The following P4HTM variants were observed in gnomAD, a reference collection of about 807,000 sequenced individuals.
The protein encoded by P4HTM is transmembrane prolyl 4-hydroxylase.
A neutral mutation model predicts 55.3 loss-of-function variants in P4HTM; 33 were observed. That is an observed-to-expected ratio of 0.60 (90% confidence interval 0.45 to 0.80). The LOEUF (loss-of-function observed/expected upper bound fraction) is 0.80. Among genes scored for constraint, P4HTM ranks in the 30% least tolerant of loss-of-function variants. The probability of loss-of-function intolerance (pLI) is 0.00; values close to 1 mark genes in which losing one functional copy is unlikely to be tolerated. For missense variants in P4HTM, 542 were observed against 696.5 expected, an observed-to-expected ratio of 0.78 and a Z score of 2.50; for synonymous variants, 272 against 286.4, an observed-to-expected ratio of 0.95 and a Z score of 0.51.
Position 48,990,964 on chromosome 3 carries a change from G to A in P4HTM, c.436+50G>A. ...AAGGGCCAGGGGCTGCGGTTTGGTG[G>A]CCACCTTGAGGCTCGTTGTGACCAC... On this transcript the variant is annotated intron_variant, in intron 2 of 8. Transcript: ENST00000383729. The surrounding 1 kb of genome is among the most constrained non-coding windows in gnomAD (Gnocchi z 7.2). 1 of 1,428,006 alleles carries A rather than the reference G, an allele frequency of 7.0e-7. No individual in the cohort carries two copies. The highest frequency in any genetic ancestry group is 9.8e-7 in the Non-Finnish European group (1 of 1,016,268). 88.5% of individuals were successfully genotyped at this position (1,428,006 alleles called of 1,614,324 possible). A position where few individuals can be genotyped will look rare whatever the true frequency, so the allele number is the denominator to read the frequency against.
At chr3:49,005,198 A>T (rs1467875117) in intron 6 of P4HTM, 152 bp downstream of exon 6, 2 of 1,575,926 alleles carry the variant, frequency 1.3e-6, no homozygotes, top group African/African-American at 2.7e-5. Flanking sequence ...CTCTCCCCAC[A>T]AGTTGTTTAC....
At chr3:48,992,662 CT>C (rs755087586) in intron 2 of P4HTM, among the ~76,000 whole-genome samples, 70,598 of 89,324 alleles carry the variant, frequency 0.79, 28,182 homozygotes, top group East Asian at 0.98. Context: ...GATTAGAACT[CT>C]TTTTTTTTTT....
chr3:49,006,766 CTG>C lies in P4HTM; in HGVS notation c.1369_1370del (p.Trp457AspfsTer2). ...TRGTKWIANNWINVDPSRARQ... is the reference protein window; with the variant it reads ...TRGTKWIANNXINVDPSRARQ... ...GCGGCACCAAGTGGATTGCCAACAA[CTG>C]GATTAATGTGGACCCCAGCCGAGCG... On this transcript the variant is annotated frameshift_variant, in exon 9 of 9. Transcript: ENST00000383729. LOFTEE classifies it high-confidence loss of function. 1 of 1,613,736 alleles carries C rather than the reference CTG, an allele frequency of 6.2e-7. No individual in the cohort carries two copies. Among genetic ancestry groups the C allele is most frequent in the Non-Finnish European group, 8.5e-7 (1 of 1,180,042 alleles).
intron 5 of P4HTM, 89 bp from the exon 6 acceptor site, chr3:49,004,772 T>C: frequency 7.2e-7 from 1 of 1,392,078 alleles, no homozygotes; most frequent in African/African-American, 1.4e-5. Flanking sequence ...GGGGCAAAGC[T>C]TGTGGCAGGC....
chr3:49,002,812 C>T lies in P4HTM; in HGVS notation c.724+216C>T, dbSNP rs1014369732. The stretch of plus-strand genomic sequence containing the variant: ...CCCCCGTTCCCCTTGGTGATGGTCT[C>T]GAGGGCAGTTCTTGGAGACCCTTTT... On this transcript the variant is annotated intron_variant, in intron 4 of 8. Coordinates refer to ENST00000383729, the MANE Select transcript of P4HTM (RefSeq NM_177939.3). The surrounding 1 kb of genome is among the most constrained non-coding windows in gnomAD (Gnocchi z 4.4). The T allele has an allele frequency of 6.2e-6, 4 of 650,338 alleles. No homozygotes were observed. The highest frequency in any genetic ancestry group is 2.2e-5 in the Admixed American group (1 of 46,138). 40.3% of individuals were successfully genotyped at this position (650,338 alleles called of 1,614,324 possible). A position where few individuals can be genotyped will look rare whatever the true frequency, so the allele number is the denominator to read the frequency against.
chr3:48,992,534 A>G (rs2092933624), intron 2 of P4HTM, among the ~76,000 whole-genome samples: 2 of 151,462 alleles, frequency 1.3e-5, no homozygotes, highest in African/African-American at 4.9e-5. Flanking sequence ...TGAACCCAGG[A>G]GGCAGAGGTT....
chr3:49,005,672 C>T, intron 6 of P4HTM, 105 bp from the exon 7 acceptor site: 1 of 1,496,538 alleles, frequency 6.7e-7, no homozygotes, highest in South Asian at 1.4e-5. Flanking sequence ...CCTAGTCTGT[C>T]CTGGTCCCTG....
Position 49,004,248 on chromosome 3 carries a change from C to T in P4HTM, c.875C>T (p.Ala292Val). 6.5e-7 allele frequency: 1 copy of T among 1,547,680 alleles called. No individual in the cohort carries two copies. Among genetic ancestry groups the T allele is most frequent in the Non-Finnish European group, 8.7e-7 (1 of 1,146,202 alleles). The change falls in exon 5 of 9, where the codon GCC becomes GTC. Residue 292 changes from alanine to valine, a missense_variant. By Grantham distance (64) the Ala-to-Val change is moderately conservative. Around this residue, in one of 2 missense-constraint regions of P4HTM, gnomAD observed 536 missense variants for 672.1 expected, o/e 0.80. Transcript: ENST00000383729. ...GAGGGTGCCCACCACATCATGCGTG[C>T]CATCCGCCAGAGGTGAGCACCTGAA... ...QGEGAHHIMR[A>V]IRQRVLRLTR...
In P4HTM at chr3:48,990,330, C is replaced by A. The variant is rs2092926693; in HGVS notation, c.74C>A (p.Ala25Glu). 1 of 1,454,586 alleles carries A rather than the reference C, an allele frequency of 6.9e-7. No homozygotes were observed. The highest frequency in any genetic ancestry group is 1.4e-5 in the South Asian group (1 of 73,578). The allele number at this position is 1,454,586 out of a possible 1,614,324, so 90.1% of individuals were successfully genotyped here. A position where few individuals can be genotyped will look rare whatever the true frequency, so the allele number is the denominator to read the frequency against. ...AAEEASRPQW[A>E]PPDHCQAQAA... ...GAGGAGGCCTCGAGGCCGCAGTGGG[C>A]GCCGCCAGACCACTGCCAGGCTCAG... The change falls in exon 1 of 9, where the codon GCG (alanine) becomes GAG (glutamate). Residue 25 changes from alanine (A) to glutamate (E), a missense_variant. By Grantham distance (107) the Ala-to-Glu change is moderately radical (BLOSUM62 -1). Coordinates refer to ENST00000383729, the MANE Select transcript of P4HTM (RefSeq NM_177939.3). This position sits in a 1 kb window ranked among gnomAD's most constrained non-coding sequence, Gnocchi z 7.2.
At chr3:48,990,161 G>A, upstream of P4HTM, 2 of 1,050,636 alleles carry the variant, frequency 1.9e-6, no homozygotes, top group Non-Finnish European at 2.3e-6. The surrounding 1 kb of genome is among the most constrained non-coding windows in gnomAD (Gnocchi z 7.2). Context: ...CCTAGTGACC[G>A]CGGCGCTCGC....
chr3:48,990,202 G>T (rs1420544935), upstream of P4HTM: 1 of 1,123,458 alleles, frequency 8.9e-7, no homozygotes, highest in African/African-American at 1.7e-5. This position sits in a 1 kb window ranked among gnomAD's most constrained non-coding sequence, Gnocchi z 7.2. Flanking sequence ...GGGCGACTGC[G>T]CAGCGCGGGC....
In P4HTM at chr3:48,991,346, CCCCAGCCT is replaced by C. The variant is rs143069034; in HGVS notation, c.436+435_436+442del. On this transcript the variant is annotated intron_variant, in intron 2 of 8. Transcript: ENST00000383729. ...TCCAAATGTAGATAAACTGGTACCC[CCCCAGCCT>C]CCTCCACTGGAGTACCAGTCAGAGG... 9.0e-4 allele frequency: 144 copies of C among 160,802 alleles called. 3 individuals carry two copies. The East Asian group carries it at 0.021, about 24-fold the overall frequency. 10.0% of individuals were successfully genotyped at this position (160,802 alleles called of 1,614,324 possible).
chr3:48,990,044 T>C (rs981982954), upstream of P4HTM: 3 of 229,828 alleles, frequency 1.3e-5, no homozygotes, highest in Non-Finnish European at 2.3e-5. This position sits in a 1 kb window ranked among gnomAD's most constrained non-coding sequence, Gnocchi z 7.2. Context: ...GCAACCCAGC[T>C]TGGGAAGAGA....
In P4HTM at chr3:49,007,061, AT is replaced by A; in HGVS notation, c.*157del. Reference sequence around the variant, plus strand: ...ACGGCGCAGTTCCTATATTCATGTTATTTATTGTGTACTGACTCCATCTGCC... The same window carrying A: ...ACGGCGCAGTTCCTATATTCATGTTATTATTGTGTACTGACTCCATCTGCC... On this transcript the variant is annotated 3_prime_UTR_variant, in exon 9 of 9. Coordinates refer to ENST00000383729, the MANE Select transcript of P4HTM (RefSeq NM_177939.3). This position sits in a 1 kb window ranked among gnomAD's most constrained non-coding sequence, Gnocchi z 5.1. 1 of 704,162 alleles carries A rather than the reference AT, an allele frequency of 1.4e-6. No homozygotes were observed. The highest frequency in any genetic ancestry group is 2.3e-6 in the Non-Finnish European group (1 of 425,674). 43.6% of individuals were successfully genotyped at this position (704,162 alleles called of 1,614,324 possible).
At chr3:48,992,069 G>GTTA (rs1446867421) in intron 2 of P4HTM, 1 of 152,178 alleles carries the variant, frequency 6.6e-6, no homozygotes, top group Admixed American at 6.5e-5. Context: ...GCTGGTTGTT[G>GTTA]TTATTATTAC....
chr3:49,000,506 G>A (rs969460497), intron 2 of P4HTM, among the ~76,000 whole-genome samples: 1 of 152,178 alleles, frequency 6.6e-6, no homozygotes, highest in African/African-American at 2.4e-5. Context: ...AGGCCACTCC[G>A]CAGGTAGCAG....
chr3:49,002,779 AG>A lies in P4HTM; in HGVS notation c.724+184del. The A allele has an allele frequency of 1.4e-6, 1 of 691,028 alleles. No homozygotes were observed. Among genetic ancestry groups the A allele is most frequent in the Non-Finnish European group, 2.7e-6 (1 of 377,346 alleles). 42.8% of individuals were successfully genotyped at this position (691,028 alleles called of 1,614,324 possible). Reference sequence around the variant, plus strand: ...TTTTACCCCTGGGAAGTAGGCAGGCAGCCAGGCCCCCCGTTCCCCTTGGTGA... The same window carrying A: ...TTTTACCCCTGGGAAGTAGGCAGGCACCAGGCCCCCCGTTCCCCTTGGTGA... On this transcript the variant is annotated intron_variant, in intron 4 of 8. Coordinates refer to ENST00000383729, the MANE Select transcript of P4HTM (RefSeq NM_177939.3). The surrounding 1 kb of genome is among the most constrained non-coding windows in gnomAD (Gnocchi z 4.4).
chr3:49,001,228 G>A (rs1245688944), intron 2 of P4HTM: 2 of 602,156 alleles, frequency 3.3e-6, no homozygotes, highest in South Asian at 1.9e-5. Flanking sequence ...ATCATCAAGA[G>A]AGGTCCCACA....
chr3:48,990,270 C>T lies in P4HTM; in HGVS notation c.14C>T (p.Ala5Val), dbSNP rs1205415552. Residue 5 changes from alanine (A) to valine (V), a missense_variant, in exon 1 of 9, where the codon GCG (alanine) becomes GTG (valine). Coordinates refer to ENST00000383729, the MANE Select transcript of P4HTM (RefSeq NM_177939.3). This position sits in a 1 kb window ranked among gnomAD's most constrained non-coding sequence, Gnocchi z 7.2. MAAA[A>V]VTGQRPETAA... ...GACCTGGGTGCCATGGCGGCAGCGG[C>T]GGTGACAGGCCAGCGGCCTGAGACC... The T allele has an allele frequency of 2.5e-6, 3 of 1,220,462 alleles. No individual in the cohort carries two copies. The highest frequency in any genetic ancestry group is 4.4e-5 in the Admixed American group (1 of 22,864). 75.6% of individuals were successfully genotyped at this position (1,220,462 alleles called of 1,614,324 possible). A position where few individuals can be genotyped will look rare whatever the true frequency, so the allele number is the denominator to read the frequency against.
Sources: gnomAD v4.1 joint callset for allele counts (sites outside exome capture counted in the v4.1 genomes callset) on GRCh38, gnomAD v4.1.1 for gene constraint, gnomAD v4.1.1 regional missense constraint, Gnocchi (gnomAD v3.1) non-coding constraint, MANE v1.5 for transcripts, NCBI Gene and HGNC (gene_info 2026-07-23, HGNC 2026-07-21) for gene names.